PLCB4: variants seen among roughly 807,000 people sequenced by gnomAD.
The protein encoded by PLCB4 is phospholipase C beta 4.
In PLCB4, 77 loss-of-function variants were observed where a neutral mutation model predicts 178.8. That is an observed-to-expected ratio of 0.43 (90% confidence interval 0.36 to 0.52). The LOEUF (loss-of-function observed/expected upper bound fraction) is 0.52. Among genes scored for constraint, PLCB4 ranks in the 20% least tolerant of loss-of-function variants. The probability of loss-of-function intolerance (pLI) is 0.00; values close to 1 mark genes in which losing one functional copy is unlikely to be tolerated. For missense variants in PLCB4, 1,024 were observed against 1,453.4 expected, an observed-to-expected ratio of 0.70 and a Z score of 4.80; for synonymous variants, 496 against 490.8, an observed-to-expected ratio of 1.01 and a Z score of -0.14.
intron 35 of PLCB4, among the ~76,000 whole-genome samples, chr20:9,467,155 C>A (rs1366678971): frequency 2.6e-5 from 4 of 152,176 alleles, no homozygotes; most frequent in African/African-American, 9.7e-5. Context: ...TGGAAACCAT[C>A]ATTCTCAGCA....
At chr20:9,126,268 G>A (rs1432757965) in intron 2 of PLCB4, among the ~76,000 whole-genome samples, 2 of 152,032 alleles carry the variant, frequency 1.3e-5, no homozygotes, top group Non-Finnish European at 2.9e-5. Context: ...TTGCTGTAAG[G>A]AATGTCATTC....
intron 3 of PLCB4, among the ~76,000 whole-genome samples, chr20:9,274,648 C>T (rs558948527): frequency 2.6e-5 from 4 of 152,178 alleles, no homozygotes; most frequent in East Asian, 1.9e-4. Context: ...TTCTGTCCTA[C>T]GAAAACCATG....
chr20:9,272,145 T>C (rs2094409493), intron 3 of PLCB4, among the ~76,000 whole-genome samples: 1 of 150,522 alleles, frequency 6.6e-6, no homozygotes, highest in Non-Finnish European at 1.5e-5. Flanking sequence ...GCCATTGTAC[T>C]CCAGCCTGGG....
intron 3 of PLCB4, among the ~76,000 whole-genome samples, chr20:9,285,679 C>T (rs1341638458): frequency 6.6e-6 from 1 of 152,040 alleles, no homozygotes. Context: ...ACATGATCAA[C>T]AATTGCATGC....
chr20:9,140,456 G>A (rs2092465474), intron 2 of PLCB4, among the ~76,000 whole-genome samples: 1 of 151,964 alleles, frequency 6.6e-6, no homozygotes, highest in Admixed American at 6.6e-5. Flanking sequence ...CTTGCTATTT[G>A]CATGATTTAA....
intron 2 of PLCB4, among the ~76,000 whole-genome samples, chr20:9,116,012 G>A (rs568706732): frequency 5.9e-5 from 9 of 151,880 alleles, no homozygotes; most frequent in South Asian, 2.1e-4. Context: ...AGCCAATATC[G>A]TTTTTTGTAC....
chr20:9,174,098 G>T (rs1006037282), intron 2 of PLCB4, among the ~76,000 whole-genome samples: 9 of 151,888 alleles, frequency 5.9e-5, no homozygotes, highest in African/African-American at 2.2e-4. Context: ...TTATTTCTTG[G>T]CTTGGTTTTG....
chr20:9,431,437 C>T (rs146420969), intron 28 of PLCB4, among the ~76,000 whole-genome samples: 1 of 152,062 alleles, frequency 6.6e-6, no homozygotes, highest in Non-Finnish European at 1.5e-5. Context: ...ATTCAACCTA[C>T]TCCACCCTCT....
chr20:9,079,886 C>A (rs980670069), intron 1 of PLCB4, among the ~76,000 whole-genome samples: 6 of 151,766 alleles, frequency 4.0e-5, no homozygotes, highest in African/African-American at 1.5e-4. Flanking sequence ...TTGGGAAATG[C>A]GTAGAATGGG....
chr20:9,431,260 C>T (rs1284981469), intron 28 of PLCB4, among the ~76,000 whole-genome samples: 1 of 151,974 alleles, frequency 6.6e-6, no homozygotes, highest in Non-Finnish European at 1.5e-5. Flanking sequence ...TTCCCTGTGA[C>T]TCCATGTTCT....
At chr20:9,258,044 G>C (rs2094255064) in intron 3 of PLCB4, among the ~76,000 whole-genome samples, 1 of 152,034 alleles carries the variant, frequency 6.6e-6, no homozygotes, top group Admixed American at 6.6e-5. Context: ...AATGAAAGTG[G>C]AGACATTAGA....
rs1321903144 is a variant in PLCB4 at position 9,421,440 on chromosome 20, A to G, written c.2298A>G (p.Glu766=). 1.2e-6 allele frequency: 2 copies of G among 1,613,466 alleles called. No homozygotes were observed. The highest frequency in any genetic ancestry group is 2.2e-5 in the South Asian group (2 of 90,972). ...ATGGACTCAATCCAGTTTACAATGA[A>G]GAGTCATTTGTATTTCGGAAGGTAG... ...MNNGLNPVYN[E]ESFVFRKVIL... The change falls in exon 27 of 40, where the codon GAA becomes GAG. Residue 766 remains glutamate, a synonymous_variant. Coordinates refer to ENST00000378473, the MANE Select transcript of PLCB4 (RefSeq NM_001377142.1).
intron 3 of PLCB4, among the ~76,000 whole-genome samples, chr20:9,297,407 T>C (rs1386687987): frequency 6.6e-6 from 1 of 151,866 alleles, no homozygotes; most frequent in East Asian, 1.9e-4. Context: ...AGATTACACA[T>C]TGGGTACAAT....
At chr20:9,463,295 C>G (rs985699916) in intron 35 of PLCB4, among the ~76,000 whole-genome samples, 1 of 152,076 alleles carries the variant, frequency 6.6e-6, no homozygotes, top group African/African-American at 2.4e-5. Flanking sequence ...ACAACCGGTA[C>G]CAGCCACTGC....
chr20:9,105,550 G>A (rs553107058), intron 2 of PLCB4, among the ~76,000 whole-genome samples: 5 of 151,992 alleles, frequency 3.3e-5, no homozygotes, highest in African/African-American at 1.2e-4. Flanking sequence ...GGGGCACTTG[G>A]CATCTTAGAT....
intron 3 of PLCB4, among the ~76,000 whole-genome samples, chr20:9,291,544 A>C (rs2094579845): frequency 6.6e-6 from 1 of 152,192 alleles, no homozygotes; most frequent in South Asian, 2.1e-4. Context: ...AGAAAGGTTT[A>C]GAGATTTTGA....
rs151317374 is a variant in PLCB4, at chr20:9,092,291, A to T, written c.-134-3996A>T. 3.7e-4 allele frequency among the ~76,000 whole-genome samples: 57 copies of T among 152,134 alleles called. 1 individual carries two copies. Among genetic ancestry groups the T allele is most frequent in the African/African-American group, 1.1e-3 (46 of 41,524 alleles). On this transcript the variant is annotated intron_variant, in intron 1 of 39. Coordinates refer to ENST00000378473, the MANE Select transcript of PLCB4 (RefSeq NM_001377142.1). ...TTGCATTGTTATCATTCTCTTTTGC[A>T]TTGTTAATATCAGAATGTAATGGTC... is the stretch of plus-strand genomic sequence containing the variant.
chr20:9,079,284 A>G (rs1041290920), intron 1 of PLCB4, among the ~76,000 whole-genome samples: 3 of 152,206 alleles, frequency 2.0e-5, no homozygotes, highest in Non-Finnish European at 4.4e-5. Context: ...GGCTTGTTAA[A>G]GGGACCTTTT....
At chr20:9,205,927 G>C (rs989319516) in intron 2 of PLCB4, among the ~76,000 whole-genome samples, 2 of 152,186 alleles carry the variant, frequency 1.3e-5, no homozygotes, top group Admixed American at 1.3e-4. Flanking sequence ...ATGCATTCAA[G>C]TTGTGTTATC....
Sources: allele counts gnomAD v4.1 joint callset (sites outside exome capture counted in the v4.1 genomes callset), GRCh38; gene constraint gnomAD v4.1.1; transcripts MANE v1.5; gene names NCBI Gene and HGNC (gene_info 2026-07-23, HGNC 2026-07-21).